Variants in SEL1L2 observed in about 807,000 individuals in gnomAD.
SEL1L2 encodes SEL1L2 adaptor subunit of SYVN1 ubiquitin ligase.
Under a neutral mutation model 98.8 loss-of-function variants are expected in SEL1L2, and 89 were observed. The ratio of observed to expected loss-of-function variants is 0.90; its 90% confidence interval spans 0.76 to 1.07. The LOEUF (loss-of-function observed/expected upper bound fraction) is 1.07. Ranked by LOEUF, SEL1L2 falls within the 50% of genes least tolerant of loss-of-function variation. The pLI, the probability that SEL1L2 is intolerant of heterozygous loss-of-function variation, is 0.00. For missense variants in SEL1L2, 788 were observed against 812.0 expected (o/e 0.97, Z 0.36); for synonymous variants, 262 against 278.5 (o/e 0.94, Z 0.59).
intron 17 of SEL1L2, among the ~76,000 whole-genome samples, chr20:13,862,685 T>TTTATTA (rs1414004972): frequency 6.6e-6 from 1 of 151,260 alleles, no homozygotes; most frequent in African/African-American, 2.4e-5. Context: ...ATTATTATTA[T>TTTATTA]TTATTATTAT....
intron 1 of SEL1L2, among the ~76,000 whole-genome samples, chr20:13,981,079 C>T (rs1332696271): frequency 1.3e-5 from 2 of 152,118 alleles, no homozygotes; most frequent in Admixed American, 6.6e-5. Context: ...CCCGTCTCTA[C>T]TAAAAATACA....
chr20:13,858,345 G>C (rs1446432676), intron 18 of SEL1L2, among the ~76,000 whole-genome samples: 1 of 152,140 alleles, frequency 6.6e-6, no homozygotes, highest in Non-Finnish European at 1.5e-5. Flanking sequence ...TGACCACCAA[G>C]AATGACTCAC....
At chr20:13,987,534 C>T (rs559594660) in intron 1 of SEL1L2, among the ~76,000 whole-genome samples, 1 of 151,794 alleles carries the variant, frequency 6.6e-6, no homozygotes, top group African/African-American at 2.4e-5. Context: ...TTAGTAGAGA[C>T]AGGGTTTCAC....
upstream of SEL1L2, among the ~76,000 whole-genome samples, chr20:13,990,985 C>T (rs189368806): frequency 9.2e-5 from 14 of 152,218 alleles, no homozygotes; most frequent in East Asian, 2.1e-3. Context: ...TAGGCTATGG[C>T]GGAAAAGAAA....
intron 1 of SEL1L2, among the ~76,000 whole-genome samples, chr20:13,958,562 C>T (rs982115482): frequency 6.6e-6 from 1 of 152,094 alleles, no homozygotes; most frequent in Non-Finnish European, 1.5e-5. Flanking sequence ...CGTAAAGCAG[C>T]AAAGACAACC....
chr20:13,912,608 G>C (rs1162467043), intron 5 of SEL1L2, among the ~76,000 whole-genome samples: 1 of 152,058 alleles, frequency 6.6e-6, no homozygotes, highest in Non-Finnish European at 1.5e-5. Context: ...AATTTTTTCT[G>C]TGGGAGTTCT....
At chr20:13,923,648 GGAGGCT>G (rs1431342113) in intron 3 of SEL1L2, among the ~76,000 whole-genome samples, 4 of 152,150 alleles carry the variant, frequency 2.6e-5, no homozygotes, top group Admixed American at 6.6e-5. Context: ...CAGCTATTCG[GGAGGCT>G]GAGGCACAAG....
At chr20:13,970,881 C>T (rs937365743) in intron 1 of SEL1L2, among the ~76,000 whole-genome samples, 4 of 148,838 alleles carry the variant, frequency 2.7e-5, no homozygotes, top group African/African-American at 9.8e-5. Flanking sequence ...ATTAATATTC[C>T]TATATATATT....
chr20:13,992,372 T>C (rs2052561959), upstream of SEL1L2, among the ~76,000 whole-genome samples: 1 of 151,902 alleles, frequency 6.6e-6, no homozygotes, highest in South Asian at 2.1e-4. Flanking sequence ...GGCATGGTGG[T>C]AGATGCCTGT....
At chr20:13,938,228 G>A (rs767725585) in intron 2 of SEL1L2, among the ~76,000 whole-genome samples, 11 of 151,688 alleles carry the variant, frequency 7.3e-5, no homozygotes, top group South Asian at 2.1e-4. Context: ...TTACAGGTGC[G>A]CACCACCACA....
rs561157065 is a variant in SEL1L2, at chr20:13,931,642, T to C, written c.244A>G (p.Ile82Val). 10 of 1,463,890 alleles carry C rather than the reference T, an allele frequency of 6.8e-6. No individual in the cohort carries two copies. In the East Asian group the frequency reaches 9.2e-5, roughly 13 times the overall value. 90.7% of individuals were successfully genotyped at this position (1,463,890 alleles called of 1,614,324 possible). A position where few individuals can be genotyped will look rare whatever the true frequency, so the allele number is the denominator to read the frequency against. ...KNQRKIRIKG[I>V]QNKDILKRNK... ...CTCTTCAAGATATCTTTATTTTGAA[T>C]TCCTTTTATTCTTATTTTACGTTGA... Residue 82 changes from isoleucine to valine, a missense_variant, in exon 3 of 20, where the codon ATT becomes GTT. By Grantham distance (29) the Ile-to-Val change is conservative. Transcript: ENST00000284951.
chr20:13,908,167 G>A (rs1232778283), intron 5 of SEL1L2, among the ~76,000 whole-genome samples: 1 of 130,948 alleles, frequency 7.6e-6, no homozygotes, highest in Non-Finnish European at 1.6e-5. Flanking sequence ...GCCCAGGCTG[G>A]AGTGTGGTGG....
chr20:13,925,097 C>G (rs1446090364), intron 3 of SEL1L2, among the ~76,000 whole-genome samples: 1 of 152,198 alleles, frequency 6.6e-6, no homozygotes, highest in Non-Finnish European at 1.5e-5. Context: ...AGAGATTGCA[C>G]CACTGCACTC....
chr20:13,912,488 G>C (rs898583201), intron 5 of SEL1L2, among the ~76,000 whole-genome samples: 19 of 152,032 alleles, frequency 1.2e-4, no homozygotes, highest in African/African-American at 4.6e-4. Flanking sequence ...GTAGAGACGG[G>C]GTTTCACCAT....
chr20:13,947,524 G>A (rs574265550), intron 2 of SEL1L2, among the ~76,000 whole-genome samples: 24 of 152,286 alleles, frequency 1.6e-4, no homozygotes, highest in African/African-American at 4.3e-4. Context: ...AATTGTCTGC[G>A]TATCTCATTC....
chr20:13,922,907 G>A (rs887566832), intron 3 of SEL1L2, among the ~76,000 whole-genome samples: 22 of 152,128 alleles, frequency 1.4e-4, no homozygotes, highest in African/African-American at 5.3e-4. Flanking sequence ...ACAGAGCATA[G>A]GAAGGAACCA....
chr20:13,880,231 A>C (rs964390599), intron 10 of SEL1L2, among the ~76,000 whole-genome samples: 1 of 152,226 alleles, frequency 6.6e-6, no homozygotes, highest in African/African-American at 2.4e-5. Context: ...TTGGCTCTCA[A>C]ATATCTTGTA....
At chr20:13,945,333 C>G (rs1273030202) in intron 2 of SEL1L2, among the ~76,000 whole-genome samples, 4 of 152,094 alleles carry the variant, frequency 2.6e-5, no homozygotes, top group African/African-American at 9.7e-5. Context: ...TTCTGCATAA[C>G]TATTAATGAA....
intron 1 of SEL1L2, among the ~76,000 whole-genome samples, chr20:13,958,768 C>T (rs1468954781): frequency 6.6e-6 from 1 of 150,802 alleles, no homozygotes; most frequent in Non-Finnish European, 1.5e-5. Flanking sequence ...AAGCCCATCT[C>T]TACTAAAAAT....
Sources: gnomAD v4.1 joint callset for allele counts (sites outside exome capture counted in the v4.1 genomes callset) on GRCh38, gnomAD v4.1.1 for gene constraint, MANE v1.5 for transcripts, NCBI Gene and HGNC (gene_info 2026-07-23, HGNC 2026-07-21) for gene names.